Variants in PTGR3 observed in about 807,000 individuals in gnomAD.
PTGR3 encodes the protein prostaglandin reductase 3.
At chr18:75,205,457 T>C in the PTGR3 span, 3 of 985,148 alleles carry the variant, frequency 3.0e-6, no homozygotes, top group Non-Finnish European at 3.6e-6. Context: ...CTTAAAAGAC[T>C]AAAATCCAGA....
chr18:75,201,655 T>C, the PTGR3 span: 5 of 1,614,100 alleles, frequency 3.1e-6, no homozygotes, highest in Admixed American at 5.0e-5. Flanking sequence ...CCCTGTACGC[T>C]GGCAGATTTC....
chr18:75,205,133 G>C, the PTGR3 span: 1 of 984,612 alleles, frequency 1.0e-6, no homozygotes, highest in Non-Finnish European at 1.2e-6. Context: ...GCTTTGACGC[G>C]GCTTCGCCCC....
the PTGR3 span, among the ~76,000 whole-genome samples, chr18:75,204,787 G>C: frequency 6.6e-6 from 1 of 152,072 alleles, no homozygotes; most frequent in South Asian, 2.1e-4. Flanking sequence ...CGGCAGGCGC[G>C]CCCAGTCCGC....
At chr18:75,203,065 T>C in the PTGR3 span, among the ~76,000 whole-genome samples, 1,149 of 152,328 alleles carry the variant, frequency 7.5e-3, 7 homozygotes, top group Non-Finnish European at 0.014. Flanking sequence ...ACATTCAACA[T>C]TTCACAGTCC....
chr18:75,204,038 C>A, the PTGR3 span, among the ~76,000 whole-genome samples: 1 of 152,246 alleles, frequency 6.6e-6, no homozygotes, highest in Non-Finnish European at 1.5e-5. Context: ...CAGTTGTGTT[C>A]TGTGCAATCC....
chr18:75,205,258 G>A, the PTGR3 span: 1 of 985,688 alleles, frequency 1.0e-6, no homozygotes, highest in Non-Finnish European at 1.2e-6. Flanking sequence ...CGCAGCAGGC[G>A]CAAAGCGAAT....
the PTGR3 span, chr18:75,195,762 AC>A: frequency 6.6e-6 from 1 of 152,156 alleles, no homozygotes; most frequent in Non-Finnish European, 1.5e-5. Context: ...AAATAAAAAA[AC>A]ATTAGCCAGG....
the PTGR3 span, chr18:75,208,942 G>A: frequency 7.5e-6 from 12 of 1,591,106 alleles, no homozygotes; most frequent in Non-Finnish European, 1.0e-5. Flanking sequence ...GGCTCAGCCG[G>A]GTCACCACCA....
At chr18:75,203,748 AT>A in the PTGR3 span, among the ~76,000 whole-genome samples, 25,541 of 149,540 alleles carry the variant, frequency 0.17, 2,654 homozygotes, top group South Asian at 0.25. Context: ...CCTACGTTCT[AT>A]TTTTTTTTTC....
the PTGR3 span, chr18:75,208,803 GC>G: frequency 6.5e-6 from 9 of 1,375,974 alleles, no homozygotes; most frequent in Non-Finnish European, 8.5e-6. Context: ...CGCGGCGCGA[GC>G]CCGGGGCGAG....
chr18:75,207,461 T>A, the PTGR3 span, among the ~76,000 whole-genome samples: 1 of 152,168 alleles, frequency 6.6e-6, no homozygotes, highest in African/African-American at 2.4e-5. Context: ...CTCAAGCCCT[T>A]CTTTTTAGCT....
chr18:75,201,657 G>A, the PTGR3 span: 2 of 1,614,162 alleles, frequency 1.2e-6, no homozygotes, highest in South Asian at 1.1e-5. Flanking sequence ...CTGTACGCTG[G>A]CAGATTTCTT....
the PTGR3 span, among the ~76,000 whole-genome samples, chr18:75,206,027 T>C: frequency 2.0e-5 from 3 of 152,170 alleles, no homozygotes; most frequent in Non-Finnish European, 4.4e-5. Flanking sequence ...AAGCTGAAAA[T>C]AGTGCATAAA....
the PTGR3 span, among the ~76,000 whole-genome samples, chr18:75,208,067 T>C: frequency 1.3e-5 from 2 of 152,160 alleles, no homozygotes; most frequent in African/African-American, 4.8e-5. Context: ...CTTCGCCAGT[T>C]ACTAAAGATG....
At chr18:75,203,658 T>C in the PTGR3 span, among the ~76,000 whole-genome samples, 1 of 152,138 alleles carries the variant, frequency 6.6e-6, no homozygotes, top group Non-Finnish European at 1.5e-5. Flanking sequence ...CACAATTCCA[T>C]ACCCGTGGAA....
chr18:75,200,197 A>G, the PTGR3 span: 2 of 152,206 alleles, frequency 1.3e-5, no homozygotes, highest in Non-Finnish European at 2.9e-5. Context: ...CAGCGGCAGC[A>G]GTCTTCAGGG....
chr18:75,205,617 C>T, the PTGR3 span: 1 of 471,120 alleles, frequency 2.1e-6, no homozygotes, highest in Non-Finnish European at 2.8e-6. Flanking sequence ...GAGAGGAACG[C>T]TTTCCTCTGA....
At chr18:75,205,643 G>A in the PTGR3 span, 1 of 263,400 alleles carries the variant, frequency 3.8e-6, no homozygotes, top group South Asian at 1.4e-4. Context: ...AACCAAAGGC[G>A]AGGATTCAAG....
the PTGR3 span, chr18:75,200,575 C>T: frequency 6.6e-6 from 1 of 152,214 alleles, no homozygotes; most frequent in Non-Finnish European, 1.5e-5. Flanking sequence ...GACAGCGCTT[C>T]CCTCCTGGGG....
Sources: gnomAD v4.1 joint callset for allele counts (sites outside exome capture counted in the v4.1 genomes callset) on GRCh38, gnomAD v4.1.1 for gene constraint, MANE v1.5 for transcripts, NCBI Gene and HGNC (gene_info 2026-07-23, HGNC 2026-07-21) for gene names.